Variants in LRRTM4 observed in about 807,000 individuals in gnomAD.
LRRTM4 encodes leucine-rich repeat transmembrane neuronal protein 4.
In LRRTM4, 25 loss-of-function variants were observed where a neutral mutation model predicts 47.6. The observed-to-expected ratio is 0.53, with a 90% CI of 0.38 to 0.73. LRRTM4 has a LOEUF of 0.73. Ranked by LOEUF, LRRTM4 falls within the 30% of genes least tolerant of loss-of-function variation. The probability of loss-of-function intolerance (pLI) is 0.00; values close to 1 mark genes in which losing one functional copy is unlikely to be tolerated. For missense variants in LRRTM4, 638 were observed against 713.4 expected (o/e 0.89, Z 1.20); for synonymous variants, 311 against 269.5 (o/e 1.15, Z -1.51).
chr2:76,992,154 C>G (rs1677031108), intron 3 of LRRTM4, among the ~76,000 whole-genome samples: 1 of 151,738 alleles, frequency 6.6e-6, no homozygotes, highest in South Asian at 2.1e-4. Context: ...TAAGAGCTAT[C>G]TATGAAAAAC....
chr2:77,221,607 G>A (rs1344295325), intron 3 of LRRTM4, among the ~76,000 whole-genome samples: 4 of 152,014 alleles, frequency 2.6e-5, no homozygotes, highest in Non-Finnish European at 1.5e-5. Context: ...AAGAGACAAA[G>A]AAGGCCATTA....
Position 77,518,450 on chromosome 2 carries a change from A to T in LRRTM4, c.1419T>A (p.Ser473=). Residue 473 remains serine, a synonymous_variant, in exon 3 of 4, where the codon TCT becomes TCA. Transcript: ENST00000409884. The part of the protein sequence containing the change: ...MKRRRKKARE[S]ERQMNSPLQE... Reference sequence around the variant, plus strand: ...GTAAAGGGGAATTCATTTGTCTTTCAGACTCTCTGGCCTTTTTCCGCCGCC... The same window carrying T: ...GTAAAGGGGAATTCATTTGTCTTTCTGACTCTCTGGCCTTTTTCCGCCGCC... 2 of 1,613,302 alleles carry T rather than the reference A, an allele frequency of 1.2e-6. No homozygotes were observed.
At chr2:76,899,115 G>T (rs367899794) in intron 3 of LRRTM4, among the ~76,000 whole-genome samples, 1 of 151,832 alleles carries the variant, frequency 6.6e-6, no homozygotes, top group Non-Finnish European at 1.5e-5. Flanking sequence ...ATGAATAATT[G>T]ATCAAAAGAT....
chr2:76,789,410 A>ACAAT (rs1396757864), intron 3 of LRRTM4, among the ~76,000 whole-genome samples: 1 of 152,094 alleles, frequency 6.6e-6, no homozygotes, highest in African/African-American at 2.4e-5. Context: ...TTTTCCCAAA[A>ACAAT]CAATCAACTT....
At chr2:76,870,540 A>G (rs540680579) in intron 3 of LRRTM4, among the ~76,000 whole-genome samples, 17 of 152,270 alleles carry the variant, frequency 1.1e-4, no homozygotes, top group Admixed American at 1.3e-4. Context: ...TGGCAGGCCA[A>G]TGAACTTTTT....
intron 3 of LRRTM4, among the ~76,000 whole-genome samples, chr2:76,866,075 C>T (rs905575457): frequency 1.3e-5 from 2 of 151,972 alleles, no homozygotes; most frequent in South Asian, 2.1e-4. Flanking sequence ...TTCCTTTCCC[C>T]ATCTCTGAAT....
chr2:77,053,431 A>G (rs930644880), intron 3 of LRRTM4, among the ~76,000 whole-genome samples: 1 of 152,184 alleles, frequency 6.6e-6, no homozygotes, highest in African/African-American at 2.4e-5. Context: ...ATTATAAGGA[A>G]CTAATAATAA....
chr2:77,289,921 G>A (rs1676773212), intron 3 of LRRTM4, among the ~76,000 whole-genome samples: 1 of 151,732 alleles, frequency 6.6e-6, no homozygotes, highest in Admixed American at 6.6e-5. Flanking sequence ...AATTCCTCAG[G>A]GAAAAATCAG....
At chr2:76,861,375 T>G (rs1314462613) in intron 3 of LRRTM4, among the ~76,000 whole-genome samples, 1 of 152,132 alleles carries the variant, frequency 6.6e-6, no homozygotes, top group Non-Finnish European at 1.5e-5. Flanking sequence ...ACCAATTGAT[T>G]TGATTTTTTT....
intron 3 of LRRTM4, among the ~76,000 whole-genome samples, chr2:76,999,719 T>C (rs571553802): frequency 1.3e-5 from 2 of 152,166 alleles, no homozygotes; most frequent in South Asian, 2.1e-4. Context: ...ACCCAGATAA[T>C]AGTGAATTCA....
chr2:77,160,099 C>T (rs1353476778), intron 3 of LRRTM4, among the ~76,000 whole-genome samples: 3 of 152,164 alleles, frequency 2.0e-5, no homozygotes, highest in African/African-American at 7.2e-5. Context: ...AACCTTTCAG[C>T]CCTCACCTTT....
intron 3 of LRRTM4, among the ~76,000 whole-genome samples, chr2:77,295,516 G>A (rs1676943946): frequency 6.6e-6 from 1 of 152,158 alleles, no homozygotes; most frequent in African/African-American, 2.4e-5. Context: ...TGTATGACAT[G>A]ACCATCATTG....
At chr2:76,946,329 A>G (rs1248644412) in intron 3 of LRRTM4, among the ~76,000 whole-genome samples, 1 of 151,954 alleles carries the variant, frequency 6.6e-6, no homozygotes, top group Non-Finnish European at 1.5e-5. Flanking sequence ...AGGAAAAGTC[A>G]GAAGCCTGGT....
At chr2:76,873,864 T>C (rs79423290) in intron 3 of LRRTM4, among the ~76,000 whole-genome samples, 2,101 of 151,980 alleles carry the variant, frequency 0.014, 53 homozygotes, top group East Asian at 0.078. Flanking sequence ...GGAATACATG[T>C]AACTACTGAT....
chr2:77,304,673 A>G (rs1677225880), intron 3 of LRRTM4, among the ~76,000 whole-genome samples: 1 of 152,166 alleles, frequency 6.6e-6, no homozygotes, highest in African/African-American at 2.4e-5. Flanking sequence ...TAATTGAGTT[A>G]ATATAATAAC....
chr2:77,462,174 G>C (rs1306423189), intron 3 of LRRTM4, among the ~76,000 whole-genome samples: 1 of 152,012 alleles, frequency 6.6e-6, no homozygotes, highest in Non-Finnish European at 1.5e-5. Flanking sequence ...GTAATGGTCA[G>C]TTTGCTTGTT....
chr2:77,017,853 C>T (rs1281529876), intron 3 of LRRTM4, among the ~76,000 whole-genome samples: 1 of 152,052 alleles, frequency 6.6e-6, no homozygotes, highest in Non-Finnish European at 1.5e-5. Context: ...TTATATTTAG[C>T]AAGTCTGCAT....
intron 3 of LRRTM4, among the ~76,000 whole-genome samples, chr2:77,329,830 C>G (rs1035159559): frequency 6.6e-6 from 1 of 152,010 alleles, no homozygotes; most frequent in East Asian, 1.9e-4. Flanking sequence ...TGTTTTGGGT[C>G]TTGAAAGAGG....
chr2:77,149,771 G>C (rs1463725984), intron 3 of LRRTM4, among the ~76,000 whole-genome samples: 1 of 152,114 alleles, frequency 6.6e-6, no homozygotes, highest in Admixed American at 6.6e-5. Context: ...TCACTGGTGA[G>C]CACTGAGTGT....
Sources: allele counts gnomAD v4.1 joint callset (sites outside exome capture counted in the v4.1 genomes callset), GRCh38; gene constraint gnomAD v4.1.1; transcripts MANE v1.5; gene names NCBI Gene and HGNC (gene_info 2026-07-23, HGNC 2026-07-21).